The following PTPRD variants were observed in gnomAD, a reference collection of about 807,000 sequenced individuals.
PTPRD encodes the protein protein tyrosine phosphatase receptor type D.
PTPRD carries 34 observed loss-of-function variants against 214.5 expected under a neutral mutation model. The ratio of observed to expected loss-of-function variants is 0.16; its 90% CI spans 0.12 to 0.21. PTPRD has a LOEUF of 0.21. Ranked by LOEUF, PTPRD falls within the 10% of genes least tolerant of loss-of-function variation. The pLI, the probability that PTPRD is intolerant of heterozygous loss-of-function variation, is 1.00. For missense variants in PTPRD, 2,545 were observed against 2,398.7 expected, an observed-to-expected ratio of 1.06 and a Z score of -1.27; for synonymous variants, 1,128 against 845.7, an observed-to-expected ratio of 1.33 and a Z score of -5.79.
intron 7 of PTPRD, among the ~76,000 whole-genome samples, chr9:9,647,180 C>A (rs928963216): frequency 1.1e-4 from 16 of 152,110 alleles, no homozygotes; most frequent in Admixed American, 2.0e-4. Flanking sequence ...TCTTTCCCCC[C>A]CCTCTTTCTA....
At chr9:10,006,946 G>A (rs2211515) in intron 4 of PTPRD, among the ~76,000 whole-genome samples, 73,185 of 151,712 alleles carry the variant, frequency 0.48, 21,027 homozygotes, top group Middle Eastern at 0.67. Context: ...TAATAATAAT[G>A]TTATTGCTGG....
intron 14 of PTPRD, among the ~76,000 whole-genome samples, chr9:8,564,734 C>A (rs182025653): frequency 7.2e-5 from 11 of 152,140 alleles, no homozygotes; most frequent in African/African-American, 2.6e-4. Flanking sequence ...ACAATCAAGT[C>A]ATGTTACATT....
At chr9:8,630,219 A>T (rs2096207820) in intron 14 of PTPRD, among the ~76,000 whole-genome samples, 1 of 151,888 alleles carries the variant, frequency 6.6e-6, no homozygotes, top group African/African-American at 2.4e-5. Flanking sequence ...CACTGGACGA[A>T]AAGTGTAAAA....
At chr9:8,828,075 G>C (rs999417266) in intron 11 of PTPRD, among the ~76,000 whole-genome samples, 2 of 152,102 alleles carry the variant, frequency 1.3e-5, no homozygotes, top group African/African-American at 4.8e-5. Context: ...AAAGTCTACA[G>C]GTTATACAAT....
rs1292736934 is a variant in PTPRD at position 9,275,186 on chromosome 9, A to T, written c.-202-91823T>A. On this transcript the variant is annotated intron_variant, in intron 9 of 45. Transcript: ENST00000381196. ...ATAACATATATATAATATATATGTT[A>T]TATATATATATATTATATATATATA... Among the ~76,000 whole-genome samples, 15 of 51,838 alleles carry T rather than the reference A, an allele frequency of 2.9e-4. 1 individual carries two copies. The highest frequency in any genetic ancestry group is 9.5e-4 in the African/African-American group (8 of 8,416). 34.0% of individuals were successfully genotyped at this position (51,838 alleles called of 152,430 possible). A position where few individuals can be genotyped will look rare whatever the true frequency, so the allele number is the denominator to read the frequency against.
At chr9:10,508,384 G>A (rs955862875) in intron 2 of PTPRD, among the ~76,000 whole-genome samples, 53 of 152,200 alleles carry the variant, frequency 3.5e-4, no homozygotes, top group African/African-American at 1.2e-3. Flanking sequence ...GGAAGACAGT[G>A]CGGCGATTCC....
At chr9:8,933,881 T>C (rs997221544) in intron 11 of PTPRD, among the ~76,000 whole-genome samples, 1 of 152,166 alleles carries the variant, frequency 6.6e-6, no homozygotes, top group African/African-American at 2.4e-5. Context: ...CTTTAATAAA[T>C]CACAAATCTA....
At chr9:10,194,134 T>A (rs2099386338) in intron 3 of PTPRD, among the ~76,000 whole-genome samples, 2 of 152,060 alleles carry the variant, frequency 1.3e-5, no homozygotes, top group Non-Finnish European at 2.9e-5. Context: ...GTCACCAATG[T>A]AATTTTTCAA....
At chr9:9,085,972 C>T (rs776859777) in intron 10 of PTPRD, among the ~76,000 whole-genome samples, 1 of 152,140 alleles carries the variant, frequency 6.6e-6, no homozygotes, top group Non-Finnish European at 1.5e-5. Flanking sequence ...CCAGTGAAAA[C>T]ATTTTGGGCT....
chr9:10,123,238 C>T lies in PTPRD; in HGVS notation c.-544-89448G>A, dbSNP rs116461602. Among the ~76,000 whole-genome samples, 588 of 152,256 alleles carry T rather than the reference C, an allele frequency of 3.9e-3. 5 individuals are homozygous for T. Among genetic ancestry groups the T allele is most frequent in the African/African-American group, 7.8e-3 (322 of 41,548 alleles). ...TGCTCCTTCCTATCCTTTAAATTTGCCTCTGGGATTTGGCCACCTTTAGAC... is the reference window on the plus strand; with the variant it reads ...TGCTCCTTCCTATCCTTTAAATTTGTCTCTGGGATTTGGCCACCTTTAGAC... On this transcript the variant is annotated intron_variant, in intron 3 of 45. Transcript: ENST00000381196.
intron 2 of PTPRD, among the ~76,000 whole-genome samples, chr9:10,530,541 G>A (rs938003319): frequency 6.6e-6 from 1 of 152,182 alleles, no homozygotes; most frequent in South Asian, 2.1e-4. Context: ...TCAATAAAAG[G>A]TAGTAACTGA....
intron 8 of PTPRD, among the ~76,000 whole-genome samples, chr9:9,441,858 A>T (rs1014907790): frequency 6.6e-6 from 1 of 152,226 alleles, no homozygotes; most frequent in Non-Finnish European, 1.5e-5. Flanking sequence ...AAGTGATAAA[A>T]TTGCTTCTGC....
At chr9:10,222,943 A>C (rs1357968102) in intron 3 of PTPRD, among the ~76,000 whole-genome samples, 3 of 152,068 alleles carry the variant, frequency 2.0e-5, no homozygotes, top group African/African-American at 7.2e-5. Context: ...GGGCAGTGGT[A>C]GTGGGGTCAG....
At chr9:8,870,869 C>T (rs74446676) in intron 11 of PTPRD, among the ~76,000 whole-genome samples, 4,080 of 152,182 alleles carry the variant, frequency 0.027, 93 homozygotes, top group Non-Finnish European at 0.043. Flanking sequence ...GTCCTGATAG[C>T]GCTTCAAAGC....
Position 9,484,006 on chromosome 9 carries a change from T to A in PTPRD, c.-236-86524A>T, listed in dbSNP as rs183170995. ...TCCACACCATATAATAGTATTTTAC[T>A]ATCTTCTATAGGTGACTCATCTTTG... On this transcript the variant is annotated intron_variant, in intron 8 of 45. Coordinates refer to ENST00000381196, the MANE Select transcript of PTPRD (RefSeq NM_002839.4). Among the ~76,000 whole-genome samples, 14 of 152,088 alleles carry A rather than the reference T, an allele frequency of 9.2e-5. No individual in the cohort carries two copies. In the East Asian group the frequency reaches 2.5e-3, roughly 27 times the overall value.
At chr9:10,547,199 A>G (rs2060348935) in intron 2 of PTPRD, among the ~76,000 whole-genome samples, 1 of 152,168 alleles carries the variant, frequency 6.6e-6, no homozygotes, top group South Asian at 2.1e-4. Flanking sequence ...GCTAGTAGAA[A>G]AAGTTTCTCA....
chr9:10,001,392 A>G (rs945809534), intron 4 of PTPRD, among the ~76,000 whole-genome samples: 8 of 152,194 alleles, frequency 5.3e-5, no homozygotes, highest in African/African-American at 1.9e-4. Context: ...TGGTAAGAAG[A>G]CAATCTGTAT....
chr9:9,569,825 AATTT>A (rs761257126), intron 8 of PTPRD, among the ~76,000 whole-genome samples: 15 of 151,618 alleles, frequency 9.9e-5, no homozygotes, highest in Non-Finnish European at 1.8e-4. Flanking sequence ...ACAGATGGAT[AATTT>A]ATTTAATCAG....
At chr9:9,918,155 A>G (rs144751876) in intron 5 of PTPRD, among the ~76,000 whole-genome samples, 116 of 152,126 alleles carry the variant, frequency 7.6e-4, no homozygotes, top group African/African-American at 2.4e-3. Flanking sequence ...AGAAAAATCT[A>G]GAGAGTCTAC....
Sources: gnomAD v4.1 joint callset for allele counts (sites outside exome capture counted in the v4.1 genomes callset) on GRCh38, gnomAD v4.1.1 for gene constraint, MANE v1.5 for transcripts, NCBI Gene and HGNC (gene_info 2026-07-23, HGNC 2026-07-21) for gene names.